BCAT1: variants seen among roughly 807,000 people sequenced by gnomAD.
BCAT1 encodes branched-chain-amino-acid aminotransferase, cytosolic.
Under a neutral mutation model 52.4 loss-of-function variants are expected in BCAT1, and 48 were observed. The ratio of observed to expected loss-of-function variants is 0.92; its 90% CI spans 0.73 to 1.16. The LOEUF (loss-of-function observed/expected upper bound fraction) is 1.16. BCAT1 is among the 50% of genes most tolerant of loss of function. The pLI is 0.00. For synonymous variants in BCAT1, 167 were observed against 161.3 expected (o/e 1.04, Z -0.27); for missense variants, 451 against 457.1 (o/e 0.99, Z 0.12).
At chr12:24,859,363 G>A (rs1941784751) in intron 5 of BCAT1, among the ~76,000 whole-genome samples, 1 of 152,194 alleles carries the variant, frequency 6.6e-6, no homozygotes. Context: ...GCTCACGCCT[G>A]TAATACCAGC....
At chr12:24,826,419 C>T (rs757272972) in intron 10 of BCAT1, among the ~76,000 whole-genome samples, 1 of 152,146 alleles carries the variant, frequency 6.6e-6, no homozygotes, top group Non-Finnish European at 1.5e-5. Flanking sequence ...GTTCTTGGCA[C>T]CTTTGTCAAA....
intron 2 of BCAT1, among the ~76,000 whole-genome samples, chr12:24,894,741 G>A (rs1254387044): frequency 2.0e-5 from 3 of 152,104 alleles, no homozygotes; most frequent in Non-Finnish European, 2.9e-5. Context: ...AGCAGATGGG[G>A]TAAGATGATG....
intron 3 of BCAT1, among the ~76,000 whole-genome samples, chr12:24,883,041 C>T (rs113628268): frequency 0.021 from 3,258 of 151,768 alleles, 48 homozygotes; most frequent in East Asian, 0.054. Context: ...AATCCCAACA[C>T]GTTGGGAGGC....
intron 7 of BCAT1, among the ~76,000 whole-genome samples, chr12:24,838,952 G>A (rs1460609169): frequency 6.6e-6 from 1 of 152,112 alleles, no homozygotes; most frequent in African/African-American, 2.4e-5. Flanking sequence ...CAGGAATGTA[G>A]GTCTGCATAA....
At chr12:24,896,095 C>T (rs567166899) in intron 2 of BCAT1, among the ~76,000 whole-genome samples, 1 of 152,250 alleles carries the variant, frequency 6.6e-6, no homozygotes, top group South Asian at 2.1e-4. Context: ...CTTAAGCAAT[C>T]TGCCTGCCTC....
At chr12:24,919,679 C>T (rs1430552414) in intron 1 of BCAT1, among the ~76,000 whole-genome samples, 2 of 152,154 alleles carry the variant, frequency 1.3e-5, no homozygotes, top group African/African-American at 4.8e-5. Flanking sequence ...TCCAGCAATA[C>T]CACTTACTAG....
At chr12:24,924,435 A>G (rs1943550015) in intron 1 of BCAT1, among the ~76,000 whole-genome samples, 1 of 152,228 alleles carries the variant, frequency 6.6e-6, no homozygotes, top group Admixed American at 6.5e-5. Context: ...AGAGTGAGAA[A>G]TGGTGGCGAC....
intron 7 of BCAT1, among the ~76,000 whole-genome samples, chr12:24,837,597 T>C (rs965974642): frequency 6.6e-6 from 1 of 152,022 alleles, no homozygotes; most frequent in Non-Finnish European, 1.5e-5. Flanking sequence ...TGGCTAATTT[T>C]TGTATTTTTA....
chr12:24,901,690 G>C, intron 2 of BCAT1, 124 bp downstream of exon 2: 1 of 991,754 alleles, frequency 1.0e-6, no homozygotes, highest in Non-Finnish European at 1.5e-6. Flanking sequence ...AATTTTAAAA[G>C]TCTGGCAACA....
At chr12:24,852,268 A>G (rs1941536794) in intron 5 of BCAT1, among the ~76,000 whole-genome samples, 1 of 152,226 alleles carries the variant, frequency 6.6e-6, no homozygotes, top group Admixed American at 6.5e-5. Context: ...AGTTCTTTAT[A>G]GCAGTGTGAA....
At position 24,832,721 on chromosome 12, in the gene BCAT1, A is replaced by G. The variant is rs1250457279; in HGVS notation, c.1044+2T>C. ...TAGGAAATGAGGAAATACTTGTCGT[A>G]CCTCGCCTTTGTACAGTATATCAGA... On this transcript the variant is annotated splice_donor_variant, in intron 9 of 10. Transcript: ENST00000261192. LOFTEE classifies it high-confidence loss of function. 1.9e-6 allele frequency: 3 copies of G among 1,603,206 alleles called. No homozygotes were observed. The highest frequency in any genetic ancestry group is 1.7e-4 in the Middle Eastern group (1 of 6,036).
At chr12:24,849,745 G>C in intron 6 of BCAT1, 41 bp downstream of exon 6, 1 of 1,567,664 alleles carries the variant, frequency 6.4e-7, no homozygotes, top group Non-Finnish European at 8.7e-7. Flanking sequence ...AAATGGTCAT[G>C]AAGGTGTCTT....
chr12:24,856,221 T>C (rs555335959), intron 5 of BCAT1, among the ~76,000 whole-genome samples: 215 of 152,296 alleles, frequency 1.4e-3, no homozygotes, highest in South Asian at 4.8e-3. Flanking sequence ...GTGTGGATGA[T>C]AGAGCTTACT....
intron 5 of BCAT1, among the ~76,000 whole-genome samples, chr12:24,852,129 G>C (rs1941533197): frequency 6.6e-6 from 1 of 152,134 alleles, no homozygotes; most frequent in African/African-American, 2.4e-5. Context: ...GCCATGAGAA[G>C]GTCCTTGCTT....
intron 1 of BCAT1, among the ~76,000 whole-genome samples, chr12:24,910,003 A>G (rs1432420114): frequency 6.6e-6 from 1 of 152,182 alleles, no homozygotes; most frequent in Admixed American, 6.5e-5. Flanking sequence ...ACTGATTAAA[A>G]ACACATGAGA....
At chr12:24,845,205 C>T (rs1941307184) in intron 6 of BCAT1, among the ~76,000 whole-genome samples, 1 of 148,386 alleles carries the variant, frequency 6.7e-6, no homozygotes, top group East Asian at 1.9e-4. Context: ...CAGAGCGAGA[C>T]TGTCCCCTCC....
At chr12:24,883,698 C>T (rs1354581937) in intron 3 of BCAT1, among the ~76,000 whole-genome samples, 2 of 152,172 alleles carry the variant, frequency 1.3e-5, no homozygotes, top group African/African-American at 4.8e-5. Flanking sequence ...CTTTTTGGCA[C>T]CAGGGACCAG....
At position 24,849,825 on chromosome 12, in the gene BCAT1, C is replaced by T. The variant is rs1397790031; in HGVS notation, c.635G>A (p.Arg212Lys). 1 of 1,613,644 alleles carries T rather than the reference C, an allele frequency of 6.2e-7. No homozygotes were observed. Residue 212 changes from arginine (R) to lysine (K), a missense_variant, in exon 6 of 11, where the codon AGA becomes AAA. Arg to Lys is a conservative substitution (Grantham distance 26). Coordinates refer to ENST00000261192, the MANE Select transcript of BCAT1 (RefSeq NM_005504.7). Reference protein sequence around the residue: ...VSLWANPKYVRAWKGGTGDCK... With the variant: ...VSLWANPKYVKAWKGGTGDCK... ...GTCCCCAGTTCCACCTTTCCAGGCT[C>T]TTACATACTTGGGATTGGCCCACAG...
At chr12:24,865,756 C>A (rs954628165) in intron 5 of BCAT1, among the ~76,000 whole-genome samples, 1 of 152,126 alleles carries the variant, frequency 6.6e-6, no homozygotes, top group Non-Finnish European at 1.5e-5. Context: ...TTGTTATCAA[C>A]AATCTAATAA....
Sources: gnomAD v4.1 joint callset for allele counts (sites outside exome capture counted in the v4.1 genomes callset) on GRCh38, gnomAD v4.1.1 for gene constraint, MANE v1.5 for transcripts, NCBI Gene and HGNC (gene_info 2026-07-23, HGNC 2026-07-21) for gene names.